TENM3: variants seen among roughly 807,000 people sequenced by gnomAD.
TENM3 encodes teneurin-3.
In TENM3, 63 loss-of-function variants were observed where a neutral mutation model predicts 255.1. That is an observed-to-expected ratio of 0.25 (90% CI 0.20 to 0.30). The LOEUF is 0.30. TENM3 is among the 10% of genes least tolerant of loss of function. The pLI, the probability that TENM3 is intolerant of heterozygous loss-of-function variation, is 1.00. For missense variants in TENM3, 2,929 were observed against 3,461.1 expected (o/e 0.85, Z 3.86); for synonymous variants, 1,306 against 1,322.3 (o/e 0.99, Z 0.27).
At chr4:181,490,625 T>C in the TENM3 span, among the ~76,000 whole-genome samples, 1 of 152,328 alleles carries the variant, frequency 6.6e-6, no homozygotes, top group East Asian at 1.9e-4. Flanking sequence ...ACAGAAACTC[T>C]TCCTCATTTT....
At chr4:182,486,976 C>G (rs1734805797) in intron 3 of TENM3, among the ~76,000 whole-genome samples, 2 of 152,192 alleles carry the variant, frequency 1.3e-5, no homozygotes, top group South Asian at 4.1e-4. Context: ...ACGAGACCCC[C>G]TGTTTTCTCT....
At chr4:181,592,665 T>C in the TENM3 span, among the ~76,000 whole-genome samples, 1 of 149,278 alleles carries the variant, frequency 6.7e-6, no homozygotes, top group Non-Finnish European at 1.5e-5. Context: ...AATCTCTCTT[T>C]TTTTTTTTTT....
chr4:182,657,035 T>G (rs913840276), intron 6 of TENM3, among the ~76,000 whole-genome samples: 1 of 152,180 alleles, frequency 6.6e-6, no homozygotes, highest in African/African-American at 2.4e-5. Context: ...CTGGTCTCTT[T>G]CCAGAAACTA....
chr4:181,741,996 G>A, the TENM3 span, among the ~76,000 whole-genome samples: 2 of 152,090 alleles, frequency 1.3e-5, no homozygotes, highest in Admixed American at 1.3e-4. Context: ...CTTATCGCTT[G>A]TGTCATTTGT....
intron 1 of TENM3, among the ~76,000 whole-genome samples, chr4:182,219,836 T>C (rs1470490392): frequency 6.6e-6 from 1 of 152,206 alleles, no homozygotes; most frequent in Non-Finnish European, 1.5e-5. Context: ...AATGATGAAG[T>C]CTGCTTACTC....
At chr4:182,013,541 C>T in the TENM3 span, among the ~76,000 whole-genome samples, 22 of 152,262 alleles carry the variant, frequency 1.4e-4, no homozygotes, top group South Asian at 6.2e-4. Flanking sequence ...CCCTGAGCAC[C>T]GCTTACTAAT....
intron 27 of TENM3, among the ~76,000 whole-genome samples, chr4:182,798,213 G>A (rs1360109336): frequency 6.6e-6 from 1 of 152,106 alleles, no homozygotes; most frequent in Non-Finnish European, 1.5e-5. Context: ...TCCCTGCGTA[G>A]CACAGGCTGG....
At chr4:181,480,153 C>T in the TENM3 span, among the ~76,000 whole-genome samples, 1 of 132,224 alleles carries the variant, frequency 7.6e-6, no homozygotes, top group African/African-American at 3.0e-5. Context: ...AACTGAGTTG[C>T]TAAGGATCCT....
the TENM3 span, among the ~76,000 whole-genome samples, chr4:182,113,002 C>T: frequency 6.6e-6 from 1 of 151,980 alleles, no homozygotes; most frequent in Non-Finnish European, 1.5e-5. Context: ...TCTTATTGGC[C>T]CTCCTCATCT....
At chr4:182,334,278 A>C (rs1763963056) in intron 2 of TENM3, among the ~76,000 whole-genome samples, 1 of 152,184 alleles carries the variant, frequency 6.6e-6, no homozygotes, top group Non-Finnish European at 1.5e-5. Flanking sequence ...TTATTTAAAA[A>C]ACGTAAAACA....
At chr4:182,797,731 G>A (rs1239735761) in intron 27 of TENM3, among the ~76,000 whole-genome samples, 1 of 152,124 alleles carries the variant, frequency 6.6e-6, no homozygotes, top group Non-Finnish European at 1.5e-5. Flanking sequence ...AATTAGAGAT[G>A]GAGAAACTGG....
intron 3 of TENM3, among the ~76,000 whole-genome samples, chr4:182,501,747 G>A (rs1038243315): frequency 3.9e-5 from 6 of 152,052 alleles, no homozygotes; most frequent in African/African-American, 1.4e-4. Context: ...AAGCTTGTCT[G>A]CATACTTTTC....
In TENM3 at chr4:182,512,525, C is replaced by T. The variant is rs143125239; in HGVS notation, c.512-88399C>T. Among the ~76,000 whole-genome samples the T allele has an allele frequency of 4.5e-3, 686 of 152,296 alleles. 6 individuals carry two copies. The highest frequency in any genetic ancestry group is 8.2e-3 in the Non-Finnish European group (559 of 68,014). On this transcript the variant is annotated intron_variant, in intron 3 of 27. Coordinates refer to ENST00000511685, the MANE Select transcript of TENM3 (RefSeq NM_001080477.4). ...AATAGATGGGTATGATCAAATGTCA[C>T]TACTAGGAGCATTAGAGGATTTTAA...
At chr4:182,356,287 G>C (rs529166495) in intron 3 of TENM3, among the ~76,000 whole-genome samples, 10 of 152,302 alleles carry the variant, frequency 6.6e-5, no homozygotes, top group African/African-American at 2.4e-4. Flanking sequence ...AGGATGGCTT[G>C]AGCCCAGAAG....
At chr4:182,397,901 C>T (rs1248833749) in intron 3 of TENM3, among the ~76,000 whole-genome samples, 1 of 152,132 alleles carries the variant, frequency 6.6e-6, no homozygotes. Flanking sequence ...TGGTCAATAA[C>T]GATCAAGTGG....
chr4:182,486,050 T>G (rs1734673422), intron 3 of TENM3, among the ~76,000 whole-genome samples: 1 of 151,982 alleles, frequency 6.6e-6, no homozygotes, highest in Non-Finnish European at 1.5e-5. Context: ...GTAGGTAGCA[T>G]GTCCAAAGCT....
At chr4:182,139,865 T>C (rs1286581901), upstream of TENM3, among the ~76,000 whole-genome samples, 1 of 152,228 alleles carries the variant, frequency 6.6e-6, no homozygotes, top group African/African-American at 2.4e-5. Context: ...ACGAATGTAC[T>C]GGAGAAGCAT....
At chr4:181,553,687 C>T in the TENM3 span, among the ~76,000 whole-genome samples, 6 of 151,980 alleles carry the variant, frequency 3.9e-5, no homozygotes, top group East Asian at 5.8e-4. Flanking sequence ...GTGATCTGCC[C>T]GCCTCGGCCT....
At chr4:182,063,456 G>C in the TENM3 span, among the ~76,000 whole-genome samples, 1 of 152,196 alleles carries the variant, frequency 6.6e-6, no homozygotes. Flanking sequence ...TTAGCACTTA[G>C]TACTTTAAGC....
Sources: gnomAD v4.1 joint callset for allele counts (sites outside exome capture counted in the v4.1 genomes callset) on GRCh38, gnomAD v4.1.1 for gene constraint, MANE v1.5 for transcripts, NCBI Gene and HGNC (gene_info 2026-07-23, HGNC 2026-07-21) for gene names.